The following SLX4 variants were observed in gnomAD, a reference collection of about 807,000 sequenced individuals.
SLX4 encodes the protein SLX4 structure-specific endonuclease subunit, also known as structure-specific endonuclease subunit SLX4.
SLX4 carries 112 observed loss-of-function variants against 146.2 expected under a neutral mutation model. The observed-to-expected ratio is 0.77, with a 90% CI of 0.66 to 0.90. SLX4 has a LOEUF of 0.90. SLX4 is among the 40% of genes least tolerant of loss of function. The probability of loss-of-function intolerance (pLI) is 0.00; values close to 1 mark genes in which losing one functional copy is unlikely to be tolerated. For missense variants in SLX4, 2,563 were observed against 2,392.7 expected (o/e 1.07, Z -1.49); for synonymous variants, 1,061 against 997.7 (o/e 1.06, Z -1.20).
At chr16:3,596,729 AG>A (rs2040664134) in intron 7 of SLX4, among the ~76,000 whole-genome samples, 1 of 152,128 alleles carries the variant, frequency 6.6e-6, no homozygotes, top group Admixed American at 6.5e-5. Context: ...TACTGACTGT[AG>A]GGCTACCTGC....
chr16:3,600,526 T>C (rs932947476), intron 5 of SLX4: 47 of 209,558 alleles, frequency 2.2e-4, no homozygotes, highest in African/African-American at 1.1e-3. Context: ...GTGCCCGATT[T>C]CCGCCCTAAG....
In SLX4 at chr16:3,581,512, C is replaced by G. The variant is rs1322446575; in HGVS notation, c.*830G>C. 1 of 153,214 alleles carries G rather than the reference C, an allele frequency of 6.5e-6. No homozygotes were observed. Among genetic ancestry groups the G allele is most frequent in the Non-Finnish European group, 1.5e-5 (1 of 68,500 alleles). The allele number at this position is 153,214 out of a possible 1,614,324, so 9.5% of individuals were successfully genotyped here. On this transcript the variant is annotated 3_prime_UTR_variant, in exon 15 of 15. Coordinates refer to ENST00000294008, the MANE Select transcript of SLX4 (RefSeq NM_032444.4). ...TGGGCTGTGGCAGTGCAGGGAGCCTCAGGACACCTGGTCTCAGGCTGGCGG... is the reference window on the plus strand; with the variant it reads ...TGGGCTGTGGCAGTGCAGGGAGCCTGAGGACACCTGGTCTCAGGCTGGCGG...
intron 3 of SLX4, among the ~76,000 whole-genome samples, chr16:3,604,293 G>C (rs1034414468): frequency 2.0e-5 from 3 of 151,556 alleles, no homozygotes; most frequent in Non-Finnish European, 2.9e-5. Context: ...TAGACCTTAG[G>C]ATACTGCTGA....
Position 3,583,570 on chromosome 16 carries a change from TC to T in SLX4, c.4740-61del, listed in dbSNP as rs577312619. The stretch of plus-strand genomic sequence containing the variant: ...CACACAGCTGGTCCACACTCCACGT[TC>T]CCTATCTTAGCAAAGAGTGATACCC... On this transcript the variant is annotated intron_variant, in intron 13 of 14. Coordinates refer to ENST00000294008, the MANE Select transcript of SLX4 (RefSeq NM_032444.4). 2.1e-5 allele frequency: 34 copies of T among 1,590,224 alleles called. No homozygotes were observed. In the South Asian group the frequency reaches 3.3e-4, roughly 16 times the overall value.
rs1167554163 is a variant in SLX4, at chr16:3,609,113, C to G, written c.-149G>C. Reference sequence around the variant, plus strand: ...GTTTAAAGCTTCCCTCTGTTAAAGTCCACAACTGGGCCGGGCGCGGTGGCT... The same window carrying G: ...GTTTAAAGCTTCCCTCTGTTAAAGTGCACAACTGGGCCGGGCGCGGTGGCT... On this transcript the variant is annotated 5_prime_UTR_variant, in exon 2 of 15. Transcript: ENST00000294008. 2.0e-6 allele frequency: 2 copies of G among 1,009,414 alleles called. No homozygotes were observed. Among genetic ancestry groups the G allele is most frequent in the Non-Finnish European group, 2.9e-6 (2 of 683,686 alleles). The allele number at this position is 1,009,414 out of a possible 1,614,324, so 62.5% of individuals were successfully genotyped here.
chr16:3,598,209 G>A (rs925534517), intron 5 of SLX4, among the ~76,000 whole-genome samples: 1 of 152,188 alleles, frequency 6.6e-6, no homozygotes, highest in African/African-American at 2.4e-5. Context: ...GGAGGGTCTG[G>A]GTTCCTTCAC....
intron 3 of SLX4, among the ~76,000 whole-genome samples, chr16:3,602,836 A>G (rs966687955): frequency 2.6e-5 from 4 of 152,236 alleles, no homozygotes; most frequent in Non-Finnish European, 5.9e-5. Context: ...AAAAGGCAGC[A>G]TCTCTTACTT....
Position 3,589,700 on chromosome 16 carries a change from G to A in SLX4, c.3938C>T (p.Pro1313Leu). 2 of 1,613,960 alleles carry A rather than the reference G, an allele frequency of 1.2e-6. No individual in the cohort carries two copies. The highest frequency in any genetic ancestry group is 1.7e-6 in the Non-Finnish European group (2 of 1,180,042). ...EVAQKFSVIRPQTPPPQTPSS... is the reference protein window; with the variant it reads ...EVAQKFSVIRLQTPPPQTPSS... ...CGGTGTCTGGGGCGGTGGTGTCTGG[G>A]GCCTGATGACAGAAAACTTCTGTGC... Residue 1313 changes from proline to leucine, a missense_variant, in exon 12 of 15, where the codon CCC (proline) becomes CTC (leucine). By Grantham distance (98) the Pro-to-Leu change is moderately conservative. Transcript: ENST00000294008. This position sits in a 1 kb window ranked among gnomAD's most constrained non-coding sequence, Gnocchi z 6.2.
rs369435228 is a variant in SLX4, at chr16:3,590,453, C to T, written c.3185G>A (p.Arg1062His). Residue 1062 changes from arginine to histidine, a missense_variant, in exon 12 of 15, where the codon CGT becomes CAT. Transcript: ENST00000294008. The surrounding 1 kb of genome is among the most constrained non-coding windows in gnomAD (Gnocchi z 4.8). ...SGSSLSTPRS[R>H]GGTSQVGSPT... ...GGAGCCCACCTGGGAAGTTCCGCCA[C>T]GGGACCGGGGTGTTGACAGGGACGA... 39 of 1,614,006 alleles carry T rather than the reference C, an allele frequency of 2.4e-5. No individual in the cohort carries two copies. The Middle Eastern group carries it at 6.6e-4, about 27-fold the overall frequency.
intron 12 of SLX4, among the ~76,000 whole-genome samples, chr16:3,587,445 G>A (rs889338225): frequency 2.6e-5 from 4 of 152,162 alleles, no homozygotes; most frequent in East Asian, 3.9e-4. Flanking sequence ...GCAGTGAGCC[G>A]AGATAGCCCC....
chr16:3,595,520 G>A (rs2040641322), intron 9 of SLX4, 85 bp downstream of exon 9: 2 of 1,480,918 alleles, frequency 1.4e-6, no homozygotes, highest in South Asian at 2.3e-5. Context: ...TTGGGGGCCA[G>A]AGGCCAGCGG....
rs2040588225 is a variant in SLX4, at chr16:3,591,107, T to C, written c.2531A>G (p.Glu844Gly). Residue 844 changes from glutamate (E) to glycine (G), a missense_variant, in exon 12 of 15, where the codon GAA becomes GGA. Physicochemically the swap from Glu to Gly is moderately conservative, Grantham distance 98. Transcript: ENST00000294008. ...TTCCATTTCTGCTTCATTCACGTTT[T>C]CTTGATCTTCTTCGTGGTCCTTGGA... The part of the protein sequence containing the change: ...LKSKDHEEDQ[E>G]NVNEAEMEEI... 6.2e-7 allele frequency: 1 copy of C among 1,614,128 alleles called. No individual in the cohort carries two copies. The highest frequency in any genetic ancestry group is 1.3e-5 in the African/African-American group (1 of 74,942).
intron 2 of SLX4, 140 bp from the exon 3 acceptor site, chr16:3,606,838 T>C: frequency 3.5e-6 from 3 of 859,012 alleles, no homozygotes; most frequent in South Asian, 2.8e-5. Flanking sequence ...TGAAGAGGAC[T>C]GGTTGCTTGT....
chr16:3,603,865 C>T (rs145593215), intron 3 of SLX4, among the ~76,000 whole-genome samples: 43 of 152,218 alleles, frequency 2.8e-4, no homozygotes, highest in African/African-American at 1.0e-3. Flanking sequence ...AAGGAGTTAA[C>T]GATCCCATAA....
At position 3,582,224 on chromosome 16, in the gene SLX4, C is replaced by T. The variant is rs2040444021; in HGVS notation, c.*118G>A. On this transcript the variant is annotated 3_prime_UTR_variant, in exon 15 of 15. Coordinates refer to ENST00000294008, the MANE Select transcript of SLX4 (RefSeq NM_032444.4). ...ATCACAGCGCAGAGCTGATGTGGTCCCCAGGCCCAGAAATGCCTGTGGAGG... is the reference window on the plus strand; with the variant it reads ...ATCACAGCGCAGAGCTGATGTGGTCTCCAGGCCCAGAAATGCCTGTGGAGG... The T allele has an allele frequency of 2.5e-6, 2 of 816,216 alleles. No individual in the cohort carries two copies. Among genetic ancestry groups the T allele is most frequent in the South Asian group, 3.3e-5 (2 of 61,508 alleles). The allele number at this position is 816,216 out of a possible 1,614,324, so 50.6% of individuals were successfully genotyped here.
rs1300572265 is a variant in SLX4, at chr16:3,597,256, C to T, written c.1683+123G>A. ...AGCCACCAAGTGCCCCTCTGGCCTCCTCCCGCCTCTGCCTTTCCTTCCTGG... is the reference window on the plus strand; with the variant it reads ...AGCCACCAAGTGCCCCTCTGGCCTCTTCCCGCCTCTGCCTTTCCTTCCTGG... On this transcript the variant is annotated intron_variant, in intron 7 of 14. Transcript: ENST00000294008. This position sits in a 1 kb window ranked among gnomAD's most constrained non-coding sequence, Gnocchi z 4.4. The T allele has an allele frequency of 2.6e-6, 3 of 1,175,264 alleles. No homozygotes were observed. Among genetic ancestry groups the T allele is most frequent in the African/African-American group, 3.1e-5 (2 of 64,416 alleles). The allele number at this position is 1,175,264 out of a possible 1,614,324, so 72.8% of individuals were successfully genotyped here.
At position 3,583,292 on chromosome 16, in the gene SLX4, G is replaced by T; in HGVS notation, c.4958C>A (p.Ala1653Asp). Residue 1653 changes from alanine (A) to aspartate (D), a missense_variant, in exon 14 of 15, where the codon GCC (alanine) becomes GAC (aspartate). Ala to Asp is a moderately radical substitution (Grantham distance 126, BLOSUM62 -2). Transcript: ENST00000294008. ...CTTAGCAGGTCCCTTGGGCCTATGG[G>T]CCCCAGGTCCTGTGGTGGCCTCCTG... ...AQQEATTGPGAHRPKGPAKTK... is the reference protein window; with the variant it reads ...AQQEATTGPGDHRPKGPAKTK... The T allele has an allele frequency of 6.2e-7, 1 of 1,614,200 alleles. No homozygotes were observed. Among genetic ancestry groups the T allele is most frequent in the South Asian group, 1.1e-5 (1 of 91,080 alleles).
chr16:3,585,106 A>G (rs1034234496), intron 12 of SLX4, among the ~76,000 whole-genome samples: 1 of 152,170 alleles, frequency 6.6e-6, no homozygotes, highest in African/African-American at 2.4e-5. Flanking sequence ...CCGGGTGAAC[A>G]GAGCTCCTGG....
chr16:3,605,266 T>A (rs1356656804), intron 3 of SLX4, among the ~76,000 whole-genome samples: 2 of 152,084 alleles, frequency 1.3e-5, no homozygotes, highest in African/African-American at 4.8e-5. Context: ...ATTTTTTGTA[T>A]TTTTCATAGA....
Sources: allele counts gnomAD v4.1 joint callset (sites outside exome capture counted in the v4.1 genomes callset), GRCh38; gene constraint gnomAD v4.1.1; non-coding constraint Gnocchi (gnomAD v3.1); transcripts MANE v1.5; gene names NCBI Gene and HGNC (gene_info 2026-07-23, HGNC 2026-07-21).